NFAM1: variants seen among roughly 807,000 people sequenced by gnomAD.
NFAM1 encodes NFAT activating protein with ITAM motif 1, also known as NFAT activation molecule 1.
Under a neutral mutation model 29.0 loss-of-function variants are expected in NFAM1, and 17 were observed. The ratio of observed to expected loss-of-function variants is 0.59; its 90% CI spans 0.40 to 0.88. The LOEUF (loss-of-function observed/expected upper bound fraction) is 0.88. NFAM1 is among the 40% of genes least tolerant of loss of function. The pLI, the probability that NFAM1 is intolerant of heterozygous loss-of-function variation, is 0.00. For missense variants in NFAM1, 324 were observed against 344.6 expected, an observed-to-expected ratio of 0.94 and a Z score of 0.47; for synonymous variants, 175 against 147.2, an observed-to-expected ratio of 1.19 and a Z score of -1.36.
At chr22:42,436,865 G>A (rs1021463857), upstream of NFAM1, 8 of 347,752 alleles carry the variant, frequency 2.3e-5, no homozygotes, top group Non-Finnish European at 2.8e-5. Context: ...TAACCACTGC[G>A]CTCTCCTGCA....
At chr22:42,404,830 G>A (rs1929839574) in intron 3 of NFAM1, among the ~76,000 whole-genome samples, 1 of 146,390 alleles carries the variant, frequency 6.8e-6, no homozygotes, top group Admixed American at 6.8e-5. Context: ...CTCCAGCCTA[G>A]GCAAAGAGTA....
At chr22:42,413,235 G>A (rs1280148931) in intron 1 of NFAM1, among the ~76,000 whole-genome samples, 1 of 152,182 alleles carries the variant, frequency 6.6e-6, no homozygotes, top group Non-Finnish European at 1.5e-5. Flanking sequence ...GGAGCCGCAA[G>A]ATTTATTTTA....
chr22:42,435,983 C>G (rs1275245990), upstream of NFAM1, among the ~76,000 whole-genome samples: 3 of 151,894 alleles, frequency 2.0e-5, no homozygotes, highest in Admixed American at 6.6e-5. Context: ...CCACACCTGG[C>G]TAATTTTTGT....
rs1301182387 is a variant in NFAM1, at chr22:42,419,512, T to C, written c.122-7776A>G. 6.6e-6 allele frequency among the ~76,000 whole-genome samples: 1 copy of C among 152,152 alleles called. No homozygotes were observed. Among genetic ancestry groups the C allele is most frequent in the Non-Finnish European group, 1.5e-5 (1 of 68,022 alleles). On this transcript the variant is annotated intron_variant, in intron 1 of 5. Transcript: ENST00000329021. This position sits in a 1 kb window ranked among gnomAD's most constrained non-coding sequence, Gnocchi z 4.5. Reference sequence around the variant, plus strand: ...GTTCAGACAGGGTCACGCTAAAACATGCATCTCTTAACTTTGGGCCACTGC... The same window carrying C: ...GTTCAGACAGGGTCACGCTAAAACACGCATCTCTTAACTTTGGGCCACTGC...
chr22:42,415,961 G>C (rs1468771426), intron 1 of NFAM1, among the ~76,000 whole-genome samples: 4 of 152,302 alleles, frequency 2.6e-5, no homozygotes, highest in Non-Finnish European at 5.9e-5. Flanking sequence ...GAGGCAGAAG[G>C]GCTGGTATGG....
At chr22:42,395,862 G>A (rs528306766) in intron 4 of NFAM1, among the ~76,000 whole-genome samples, 80 of 135,990 alleles carry the variant, frequency 5.9e-4, no homozygotes, top group Middle Eastern at 4.2e-3. Context: ...CAGCCTGGGC[G>A]ACAGAGCGAG....
chr22:42,401,972 T>G (rs998556313), intron 3 of NFAM1, among the ~76,000 whole-genome samples: 1 of 152,220 alleles, frequency 6.6e-6, no homozygotes, highest in Admixed American at 6.5e-5. Flanking sequence ...TCCACAAGCA[T>G]GCACTGCGTG....
intron 1 of NFAM1, among the ~76,000 whole-genome samples, chr22:42,428,255 C>T (rs1930686894): frequency 6.6e-6 from 1 of 152,156 alleles, no homozygotes; most frequent in African/African-American, 2.4e-5. Context: ...GTCCCCACTC[C>T]GCGGGCAGCC....
rs897002045 is a variant in NFAM1, at chr22:42,388,931, C to T, written c.664-1853G>A. 1.3e-5 allele frequency among the ~76,000 whole-genome samples: 2 copies of T among 152,154 alleles called. No homozygotes were observed. Among genetic ancestry groups the T allele is most frequent in the Non-Finnish European group, 2.9e-5 (2 of 68,022 alleles). On this transcript the variant is annotated intron_variant, in intron 4 of 5. Transcript: ENST00000329021. The surrounding 1 kb of genome is among the most constrained non-coding windows in gnomAD (Gnocchi z 4.1). ...CTTCCAAGTCCTGCCCTGCCTTGTGCGGCCTTCGTGCCTGTCCGGAGCACC... is the reference window on the plus strand; with the variant it reads ...CTTCCAAGTCCTGCCCTGCCTTGTGTGGCCTTCGTGCCTGTCCGGAGCACC...
chr22:42,422,074 C>T (rs1226558182), intron 1 of NFAM1, among the ~76,000 whole-genome samples: 2 of 152,170 alleles, frequency 1.3e-5, no homozygotes, highest in African/African-American at 2.4e-5. Context: ...TTTGGAATGG[C>T]GCCATCGGAC....
At chr22:42,396,329 G>T (rs913710143) in intron 4 of NFAM1, among the ~76,000 whole-genome samples, 3 of 152,126 alleles carry the variant, frequency 2.0e-5, no homozygotes, top group African/African-American at 7.2e-5. Context: ...GAAAAAAATA[G>T]CTGTATTGCT....
intron 3 of NFAM1, among the ~76,000 whole-genome samples, chr22:42,399,892 G>C (rs926219500): frequency 6.6e-6 from 1 of 152,212 alleles, no homozygotes; most frequent in East Asian, 1.9e-4. Context: ...TACTTAACTC[G>C]CAGGCAGAAG....
intron 3 of NFAM1, among the ~76,000 whole-genome samples, chr22:42,408,647 T>C (rs1333298422): frequency 6.6e-6 from 1 of 152,218 alleles, no homozygotes; most frequent in Non-Finnish European, 1.5e-5. Flanking sequence ...TGAACAAGAC[T>C]GCCTCGGCCT....
intron 1 of NFAM1, among the ~76,000 whole-genome samples, chr22:42,427,111 C>T (rs1930649599): frequency 6.6e-6 from 1 of 151,760 alleles, no homozygotes; most frequent in East Asian, 1.9e-4. Context: ...ATACCCCTCC[C>T]CTCCCTCTCA....
chr22:42,421,457 A>AG (rs1380462656), intron 1 of NFAM1, among the ~76,000 whole-genome samples: 8 of 151,234 alleles, frequency 5.3e-5, no homozygotes, highest in Non-Finnish European at 4.4e-5. Flanking sequence ...AAAAAAAAAA[A>AG]AAAAGAAAAG....
chr22:42,386,911 T>G, intron 5 of NFAM1, 78 bp downstream of exon 5: 1 of 773,936 alleles, frequency 1.3e-6, no homozygotes, highest in Non-Finnish European at 2.1e-6. Flanking sequence ...CCATGTCCCA[T>G]TTGCCCCCCC....
At chr22:42,421,455 A>AG (rs1297630895) in intron 1 of NFAM1, among the ~76,000 whole-genome samples, 1 of 151,168 alleles carries the variant, frequency 6.6e-6, no homozygotes, top group Non-Finnish European at 1.5e-5. Flanking sequence ...CAAAAAAAAA[A>AG]AAAAAAGAAA....
chr22:42,416,926 T>C (rs1414638616), intron 1 of NFAM1, among the ~76,000 whole-genome samples: 1 of 151,474 alleles, frequency 6.6e-6, no homozygotes, highest in African/African-American at 2.4e-5. Flanking sequence ...AAGACCAGGG[T>C]GGATACCAGA....
intron 5 of NFAM1, among the ~76,000 whole-genome samples, chr22:42,386,091 T>A (rs1292300056): frequency 6.6e-6 from 1 of 152,084 alleles, no homozygotes; most frequent in Admixed American, 6.6e-5. Context: ...AGAGAAAGTA[T>A]GGGCCGGGCG....
Sources: allele counts gnomAD v4.1 joint callset (sites outside exome capture counted in the v4.1 genomes callset), GRCh38; gene constraint gnomAD v4.1.1; non-coding constraint Gnocchi (gnomAD v3.1); transcripts MANE v1.5; gene names NCBI Gene and HGNC (gene_info 2026-07-23, HGNC 2026-07-21).